The following SHROOM4 variants were observed in gnomAD, a reference collection of about 807,000 sequenced individuals.
SHROOM4 encodes the protein protein Shroom4.
SHROOM4 carries 17 observed loss-of-function variants against 80.3 expected under a neutral mutation model. The ratio of observed to expected loss-of-function variants is 0.21; its 90% confidence interval spans 0.14 to 0.32. The LOEUF (loss-of-function observed/expected upper bound fraction) is 0.32. SHROOM4 is among the 10% of genes least tolerant of loss of function. The pLI is 1.00. For synonymous variants in SHROOM4, 400 were observed against 437.5 expected (o/e 0.91, Z 1.07); for missense variants, 993 against 1,140.3 (o/e 0.87, Z 1.86).
intron 2 of SHROOM4, chrX:50,686,953 C>A (rs782659662): frequency 2.7e-5 from 3 of 112,259 alleles, no homozygotes; most frequent in Non-Finnish European, 5.6e-5. Flanking sequence ...ATATACCATT[C>A]ATTTTACCCT....
At chrX:50,687,909 A>T (rs1422826286) in intron 2 of SHROOM4, among the ~76,000 whole-genome samples, 2 of 102,320 alleles carry the variant, frequency 2.0e-5, no homozygotes, top group East Asian at 3.0e-4. Flanking sequence ...AAGGATGTGT[A>T]AAAAAAAAAA....
chrX:50,705,950 A>G (rs781857196), intron 1 of SHROOM4, among the ~76,000 whole-genome samples: 2 of 104,711 alleles, frequency 1.9e-5, no homozygotes, highest in Non-Finnish European at 3.9e-5. Context: ...CTGGCCATGC[A>G]TGCCTTTTTG....
In SHROOM4 at chrX:50,635,040, T is replaced by C. The variant is rs1931276591; in HGVS notation, c.1033A>G (p.Ser345Gly). ...TGTTGGCTGGATTCAGGAGGCTGAC[T>C]GAACTCACAGTTCTGATGGCCCTCA... is the stretch of plus-strand genomic sequence containing the variant. ...TSEGHQNCEF[S>G]QPPESSQQGS... Residue 345 changes from serine (S) to glycine (G), a missense_variant, in exon 4 of 9, where the codon AGT becomes GGT. Ser to Gly is a moderately conservative substitution (Grantham distance 56). Transcript: ENST00000376020. 1 of 1,210,852 alleles carries C rather than the reference T, an allele frequency of 8.3e-7. No individual in the cohort carries two copies. Among genetic ancestry groups the C allele is most frequent in the South Asian group, 1.8e-5 (1 of 56,857 alleles).
At chrX:50,609,770 C>A (rs1190484553) in intron 5 of SHROOM4, among the ~76,000 whole-genome samples, 8 of 108,111 alleles carry the variant, frequency 7.4e-5, no homozygotes, top group Non-Finnish European at 1.5e-4. Context: ...ATAAGAAAAA[C>A]CTATCAGAAA....
At position 50,623,482 on chromosome X, in the gene SHROOM4, C is replaced by T. The variant is rs781978599; in HGVS notation, c.2957+4132G>A. ...AGATTACAGGTGTGAGCCACCGCGC[C>T]GGGCCCCTTTTTAAACATTTTAAAA... is the stretch of plus-strand genomic sequence containing the variant. On this transcript the variant is annotated intron_variant, in intron 5 of 8. Transcript: ENST00000376020. Among the ~76,000 whole-genome samples the T allele has an allele frequency of 7.2e-5, 8 of 111,746 alleles. No homozygotes were observed. The East Asian group carries it at 1.7e-3, about 24-fold the overall frequency.
At chrX:50,741,148 G>A (rs1934645816) in intron 1 of SHROOM4, among the ~76,000 whole-genome samples, 1 of 111,405 alleles carries the variant, frequency 9.0e-6, no homozygotes, top group Admixed American at 9.6e-5. Context: ...GTTGGTCCAT[G>A]TGTCTGTTTT....
intron 1 of SHROOM4, among the ~76,000 whole-genome samples, chrX:50,730,358 T>C (rs1557266207): frequency 2.9e-5 from 3 of 103,490 alleles, no homozygotes; most frequent in Non-Finnish European, 4.0e-5. Flanking sequence ...ACCCAGGAGG[T>C]GGAAGTTGCA....
chrX:50,790,659 T>A (rs781824844), intron 1 of SHROOM4, among the ~76,000 whole-genome samples: 13 of 111,926 alleles, frequency 1.2e-4, no homozygotes, highest in African/African-American at 4.2e-4. Flanking sequence ...GATCAATAAA[T>A]GTGATACAAC....
chrX:50,678,151 G>T (rs1557261489), intron 2 of SHROOM4, among the ~76,000 whole-genome samples: 1 of 111,227 alleles, frequency 9.0e-6, no homozygotes, highest in Non-Finnish European at 1.9e-5. Context: ...AAATGACTCA[G>T]TGGCAAAGTT....
At chrX:50,659,097 A>G (rs1360604897) in intron 2 of SHROOM4, among the ~76,000 whole-genome samples, 1 of 111,958 alleles carries the variant, frequency 8.9e-6, no homozygotes, top group Non-Finnish European at 1.9e-5. Context: ...AAGGAATAGC[A>G]TATTAAAATC....
chrX:50,623,145 C>T (rs1557252295), intron 5 of SHROOM4, among the ~76,000 whole-genome samples: 2 of 111,981 alleles, frequency 1.8e-5, no homozygotes, highest in East Asian at 5.6e-4. Context: ...TCTCTCTTTC[C>T]TTTTCCTAGC....
At chrX:50,705,016 TG>T (rs1228961990) in intron 1 of SHROOM4, among the ~76,000 whole-genome samples, 1 of 112,020 alleles carries the variant, frequency 8.9e-6, no homozygotes, top group Non-Finnish European at 1.9e-5. Context: ...AAGGCATACA[TG>T]TATGTTGCAA....
At position 50,598,458 on chromosome X, in the gene SHROOM4, A is replaced by G; in HGVS notation, c.4020T>C (p.Asn1340=). 1 of 1,208,903 alleles carries G rather than the reference A, an allele frequency of 8.3e-7. No homozygotes were observed. Among genetic ancestry groups the G allele is most frequent in the Admixed American group, 2.2e-5 (1 of 45,758 alleles). ...CCTCCTCCCCAAGGGCAGAATTGGCATTGATGTCCTCTAGCAGCCCTCGCT... is the reference window on the plus strand; with the variant it reads ...CCTCCTCCCCAAGGGCAGAATTGGCGTTGATGTCCTCTAGCAGCCCTCGCT... ...EAQRGLLEDI[N]ANSALGEEVE... is the part of the protein sequence containing the mutation. The change falls in exon 8 of 9, where the codon AAT becomes AAC. Residue 1340 remains asparagine, a synonymous_variant. Transcript: ENST00000376020.
chrX:50,778,204 C>T (rs1191624339), intron 1 of SHROOM4, among the ~76,000 whole-genome samples: 1 of 112,409 alleles, frequency 8.9e-6, no homozygotes, highest in Non-Finnish European at 1.9e-5. Context: ...GTACCCTTCA[C>T]ATATCACACT....
rs181269551 is a variant in SHROOM4 at position 50,780,472 on chromosome X, G to T, written c.117+33430C>A. Among the ~76,000 whole-genome samples, 98 of 111,794 alleles carry T rather than the reference G, an allele frequency of 8.8e-4. 1 individual carries two copies. The highest frequency in any genetic ancestry group is 1.5e-3 in the Admixed American group (16 of 10,544). ...CAGTGCATAAAGTCCCGAGGCTGAG[G>T]GAGTAAATGAGAACCTAAGCTCCAC... On this transcript the variant is annotated intron_variant, in intron 1 of 8. Coordinates refer to ENST00000376020, the MANE Select transcript of SHROOM4 (RefSeq NM_020717.5).
chrX:50,696,211 C>A (rs2147457091), intron 1 of SHROOM4, among the ~76,000 whole-genome samples: 1 of 111,889 alleles, frequency 8.9e-6, no homozygotes, highest in South Asian at 3.8e-4. Context: ...AAATACGAAA[C>A]TGATGCTTGG....
chrX:50,660,622 CT>C, intron 2 of SHROOM4, among the ~76,000 whole-genome samples: 1 of 90,711 alleles, frequency 1.1e-5, no homozygotes, highest in Non-Finnish European at 2.2e-5. Context: ...CCCTCTTCCC[CT>C]CTCCATCTCT....
intron 1 of SHROOM4, among the ~76,000 whole-genome samples, chrX:50,773,041 A>G (rs1023656407): frequency 2.7e-5 from 3 of 112,346 alleles, no homozygotes; most frequent in African/African-American, 9.7e-5. Flanking sequence ...AAGAATATGG[A>G]AAGTAAACAT....
intron 7 of SHROOM4, among the ~76,000 whole-genome samples, chrX:50,599,252 T>C (rs1450930494): frequency 9.0e-6 from 1 of 111,505 alleles, no homozygotes; most frequent in Non-Finnish European, 1.9e-5. Context: ...TTCATTCTCC[T>C]TCAATCCATT....
Sources: allele counts gnomAD v4.1 joint callset (sites outside exome capture counted in the v4.1 genomes callset), GRCh38; gene constraint gnomAD v4.1.1; transcripts MANE v1.5; gene names NCBI Gene and HGNC (gene_info 2026-07-23, HGNC 2026-07-21).